Variants in CNTN5 observed in about 807,000 individuals in gnomAD.
CNTN5 encodes the protein contactin 5.
A neutral mutation model predicts 129.1 loss-of-function variants in CNTN5; 77 were observed. The ratio of observed to expected loss-of-function variants is 0.60; its 90% CI spans 0.50 to 0.72. CNTN5 has a LOEUF of 0.72. Ranked by LOEUF, CNTN5 falls within the 30% of genes least tolerant of loss-of-function variation. The probability of loss-of-function intolerance (pLI) is 0.00; values close to 1 mark genes in which losing one functional copy is unlikely to be tolerated. For missense variants in CNTN5, 1,478 were observed against 1,328.8 expected (o/e 1.11, Z -1.75); for synonymous variants, 509 against 465.6 (o/e 1.09, Z -1.20).
chr11:99,042,362 C>CT lies in CNTN5; in HGVS notation c.-210+21094dup, dbSNP rs1442841983. 8.3e-5 allele frequency among the ~76,000 whole-genome samples: 10 copies of CT among 120,740 alleles called. 1 individual carries two copies. In the East Asian group the frequency reaches 1.6e-3, roughly 20 times the overall value. 79.2% of individuals were successfully genotyped at this position (120,740 alleles called of 152,430 possible). On this transcript the variant is annotated intron_variant, in intron 1 of 24. Transcript: ENST00000524871. ...CTGCACATGTACCTCCCTTCTTCTT[C>CT]TTCTTTTTTTTTTTTTTTTTTTTTT...
chr11:99,338,182 T>A (rs778342187), intron 2 of CNTN5, among the ~76,000 whole-genome samples: 34 of 152,324 alleles, frequency 2.2e-4, no homozygotes, highest in Non-Finnish European at 4.4e-4. Context: ...CAATGAAATA[T>A]CTGCTATTTC....
chr11:100,280,025 C>T (rs1181121758), intron 18 of CNTN5, among the ~76,000 whole-genome samples: 1 of 149,536 alleles, frequency 6.7e-6, no homozygotes, highest in East Asian at 2.0e-4. Flanking sequence ...TCATTTGTTT[C>T]AAGAAATTTT....
At chr11:100,346,888 G>A (rs541114155) in intron 23 of CNTN5, among the ~76,000 whole-genome samples, 4 of 152,214 alleles carry the variant, frequency 2.6e-5, no homozygotes, top group Admixed American at 1.3e-4. Context: ...TCACGATCAC[G>A]GCGGAAGGTG....
chr11:99,427,807 T>C (rs1234925551), intron 2 of CNTN5, among the ~76,000 whole-genome samples: 6 of 148,856 alleles, frequency 4.0e-5, no homozygotes, highest in East Asian at 2.0e-4. Flanking sequence ...AAATTTCTTA[T>C]AATTCTATTA....
At chr11:99,896,774 CA>C (rs1949218202) in intron 6 of CNTN5, among the ~76,000 whole-genome samples, 1 of 152,188 alleles carries the variant, frequency 6.6e-6, no homozygotes, top group Non-Finnish European at 1.5e-5. Flanking sequence ...TTCAAGCACA[CA>C]ACATGCCCCA....
chr11:99,445,841 T>C (rs1944041435), intron 2 of CNTN5, among the ~76,000 whole-genome samples: 1 of 152,072 alleles, frequency 6.6e-6, no homozygotes. Flanking sequence ...CCCAGCACTT[T>C]GGGAGGCCGA....
intron 13 of CNTN5, among the ~76,000 whole-genome samples, chr11:100,119,796 A>G (rs76364729): frequency 0.023 from 3,447 of 152,010 alleles, 118 homozygotes; most frequent in African/African-American, 0.067. Flanking sequence ...AGGCTAGATG[A>G]TATCACTCCT....
chr11:99,198,440 A>T (rs1187068182), intron 1 of CNTN5, among the ~76,000 whole-genome samples: 1 of 152,294 alleles, frequency 6.6e-6, no homozygotes, highest in African/African-American at 2.4e-5. Flanking sequence ...AGATGGGGCC[A>T]AAGTTCCAAA....
intron 1 of CNTN5, among the ~76,000 whole-genome samples, chr11:99,166,575 A>G (rs1277519933): frequency 6.6e-6 from 1 of 152,170 alleles, no homozygotes; most frequent in South Asian, 2.1e-4. Context: ...TGAATGACAT[A>G]GAATAATGCA....
chr11:99,412,954 A>T (rs995180712), intron 2 of CNTN5, among the ~76,000 whole-genome samples: 9 of 152,220 alleles, frequency 5.9e-5, no homozygotes, highest in Non-Finnish European at 1.3e-4. Flanking sequence ...CCAAGCAGAC[A>T]TCAACAACAA....
intron 9 of CNTN5, among the ~76,000 whole-genome samples, chr11:100,045,367 T>C (rs559140192): frequency 1.3e-5 from 2 of 152,204 alleles, no homozygotes; most frequent in South Asian, 4.1e-4. Context: ...AGGGGCCAAC[T>C]ATAATTACGC....
At chr11:99,739,162 A>G (rs1398512600) in intron 3 of CNTN5, among the ~76,000 whole-genome samples, 1 of 152,156 alleles carries the variant, frequency 6.6e-6, no homozygotes. Flanking sequence ...CACTTACCAC[A>G]TAGAGCATAA....
chr11:99,448,740 ATTT>A (rs1944175812), intron 2 of CNTN5, among the ~76,000 whole-genome samples: 1 of 106,710 alleles, frequency 9.4e-6, no homozygotes, highest in Non-Finnish European at 2.3e-5. Context: ...TTTTTATTTT[ATTT>A]TATTTTATTT....
At chr11:99,587,181 T>C (rs1335281492) in intron 3 of CNTN5, among the ~76,000 whole-genome samples, 1 of 152,202 alleles carries the variant, frequency 6.6e-6, no homozygotes, top group Non-Finnish European at 1.5e-5. Flanking sequence ...GGTAATCCGC[T>C]GGATATCCTG....
At chr11:99,058,134 A>T (rs1046648774) in intron 1 of CNTN5, among the ~76,000 whole-genome samples, 4 of 151,968 alleles carry the variant, frequency 2.6e-5, no homozygotes, top group African/African-American at 9.7e-5. Context: ...TACTATAAAG[A>T]CTATGTATTT....
At chr11:99,627,921 AT>A (rs1951189528) in intron 3 of CNTN5, among the ~76,000 whole-genome samples, 1 of 149,532 alleles carries the variant, frequency 6.7e-6, no homozygotes, top group African/African-American at 2.5e-5. Flanking sequence ...TGTGTATCAG[AT>A]GGGTAACTTG....
At chr11:99,797,700 T>C (rs576336273) in intron 3 of CNTN5, among the ~76,000 whole-genome samples, 2 of 152,276 alleles carry the variant, frequency 1.3e-5, no homozygotes, top group African/African-American at 4.8e-5. Context: ...GTGCATTTTT[T>C]TGTGAGTATT....
chr11:99,334,810 A>G (rs886153588), intron 2 of CNTN5, among the ~76,000 whole-genome samples: 25 of 140,326 alleles, frequency 1.8e-4, no homozygotes, highest in African/African-American at 6.7e-4. Context: ...GGTTAACAAA[A>G]TATATTTTTT....
chr11:99,723,387 A>G (rs952569718), intron 3 of CNTN5, among the ~76,000 whole-genome samples: 1 of 152,066 alleles, frequency 6.6e-6, no homozygotes. Flanking sequence ...CAAGCACACT[A>G]TATTCCCCTA....
Sources: allele counts gnomAD v4.1 joint callset (sites outside exome capture counted in the v4.1 genomes callset), GRCh38; gene constraint gnomAD v4.1.1; transcripts MANE v1.5; gene names NCBI Gene and HGNC (gene_info 2026-07-23, HGNC 2026-07-21).